Variants in RIMS4 observed in about 807,000 individuals in gnomAD.
RIMS4 encodes regulating synaptic membrane exocytosis 4.
A neutral mutation model predicts 29.0 loss-of-function variants in RIMS4; 9 were observed. The observed-to-expected ratio is 0.31, with a 90% CI of 0.19 to 0.54. RIMS4 has a LOEUF of 0.54. Ranked by LOEUF, RIMS4 falls within the 20% of genes least tolerant of loss-of-function variation. The pLI, the probability that RIMS4 is intolerant of heterozygous loss-of-function variation, is 0.94. For synonymous variants in RIMS4, 130 were observed against 152.9 expected (o/e 0.85, Z 1.10); for missense variants, 193 against 365.7 (o/e 0.53, Z 3.85).
Position 44,753,620 on chromosome 20 carries a change from A to C in RIMS4, c.*2514T>G, listed in dbSNP as rs2066044798. The C allele has an allele frequency of 6.5e-6, 1 of 152,710 alleles. No homozygotes were observed. Among genetic ancestry groups the C allele is most frequent in the African/African-American group, 2.4e-5 (1 of 41,426 alleles). 9.5% of individuals were successfully genotyped at this position (152,710 alleles called of 1,614,324 possible). A position where few individuals can be genotyped will look rare whatever the true frequency, so the allele number is the denominator to read the frequency against. ...CAAGGGGCCAGGCAGTAGCGGGGAC[A>C]GGATGGGCTTGAAGCTTCTCCGAAG... On this transcript the variant is annotated 3_prime_UTR_variant, in exon 6 of 6. Coordinates refer to ENST00000372851, the MANE Select transcript of RIMS4 (RefSeq NM_182970.4).
At chr20:44,801,178 C>T (rs1015201997) in intron 1 of RIMS4, among the ~76,000 whole-genome samples, 3 of 152,128 alleles carry the variant, frequency 2.0e-5, no homozygotes, top group Admixed American at 6.5e-5. Flanking sequence ...CTCCCAAGTC[C>T]GCTCATTTTT....
chr20:44,801,269 T>C (rs181258923), intron 1 of RIMS4, among the ~76,000 whole-genome samples: 4 of 152,322 alleles, frequency 2.6e-5, no homozygotes, highest in Admixed American at 2.6e-4. Flanking sequence ...TTTAAGTGCC[T>C]TTGTCTTCAG....
At position 44,756,002 on chromosome 20, in the gene RIMS4, G is replaced by T. The variant is rs2066058055; in HGVS notation, c.*132C>A. 2.7e-6 allele frequency: 2 copies of T among 735,738 alleles called. No homozygotes were observed. The highest frequency in any genetic ancestry group is 1.8e-5 in the South Asian group (1 of 55,570). 45.6% of individuals were successfully genotyped at this position (735,738 alleles called of 1,614,324 possible). ...TGAGGAGGGGCCCAAGGGGGGGCAGGTCTCCCCGTTCTGCTTCCCCACTGT... is the reference window on the plus strand; with the variant it reads ...TGAGGAGGGGCCCAAGGGGGGGCAGTTCTCCCCGTTCTGCTTCCCCACTGT... On this transcript the variant is annotated 3_prime_UTR_variant, in exon 6 of 6. Transcript: ENST00000372851. The surrounding 1 kb of genome is among the most constrained non-coding windows in gnomAD (Gnocchi z 5.9).
intron 1 of RIMS4, among the ~76,000 whole-genome samples, chr20:44,796,399 G>T (rs1601042930): frequency 6.6e-6 from 1 of 152,280 alleles, no homozygotes; most frequent in Admixed American, 6.5e-5. Context: ...TACTGGAGAA[G>T]AAAGAAGGAA....
At chr20:44,762,179 A>G (rs941504215) in intron 2 of RIMS4, among the ~76,000 whole-genome samples, 6 of 152,226 alleles carry the variant, frequency 3.9e-5, no homozygotes, top group African/African-American at 1.4e-4. Flanking sequence ...ATCTAATGTC[A>G]TCACTGATCT....
Position 44,758,057 on chromosome 20 carries a change from C to G in RIMS4, c.349+15G>C. 6.3e-7 allele frequency: 1 copy of G among 1,576,278 alleles called. No homozygotes were observed. Among genetic ancestry groups the G allele is most frequent in the African/African-American group, 1.4e-5 (1 of 74,022 alleles). On this transcript the variant is annotated intron_variant, in intron 3 of 5. Transcript: ENST00000372851. ...ACTCCCCTAGTCCATTTGAAACCAG[C>G]CTTGGGGCACTCACCCATGGGTGTG...
intron 1 of RIMS4, among the ~76,000 whole-genome samples, chr20:44,790,220 C>T (rs2066227056): frequency 6.6e-6 from 1 of 152,238 alleles, no homozygotes; most frequent in African/African-American, 2.4e-5. Flanking sequence ...CATGGACTAG[C>T]AAAATGCTGA....
intron 1 of RIMS4, among the ~76,000 whole-genome samples, chr20:44,806,768 C>T (rs1188556698): frequency 6.6e-6 from 1 of 152,152 alleles, no homozygotes; most frequent in East Asian, 1.9e-4. Context: ...TCAGATTGCC[C>T]AAGTTCAAGG....
chr20:44,794,833 G>T (rs1209784947), intron 1 of RIMS4, among the ~76,000 whole-genome samples: 1 of 152,194 alleles, frequency 6.6e-6, no homozygotes, highest in Non-Finnish European at 1.5e-5. Flanking sequence ...AGATCTGTCT[G>T]GGGAGAGCCA....
rs1326685200 is a variant in RIMS4, at chr20:44,756,010, G to A, written c.*124C>T. ...GGCCCAAGGGGGGGCAGGTCTCCCC[G>A]TTCTGCTTCCCCACTGTGGGGGAGA... On this transcript the variant is annotated 3_prime_UTR_variant, in exon 6 of 6. Coordinates refer to ENST00000372851, the MANE Select transcript of RIMS4 (RefSeq NM_182970.4). This position sits in a 1 kb window ranked among gnomAD's most constrained non-coding sequence, Gnocchi z 5.9. The A allele has an allele frequency of 7.5e-6, 6 of 796,018 alleles. No individual in the cohort carries two copies. Among genetic ancestry groups the A allele is most frequent in the Admixed American group, 4.7e-5 (2 of 42,578 alleles). 49.3% of individuals were successfully genotyped at this position (796,018 alleles called of 1,614,324 possible).
chr20:44,792,429 A>C (rs1444849892), intron 1 of RIMS4, among the ~76,000 whole-genome samples: 1 of 151,606 alleles, frequency 6.6e-6, no homozygotes, highest in East Asian at 1.9e-4. Context: ...AGTAGCTGGG[A>C]TTAGAGGCAT....
intron 2 of RIMS4, among the ~76,000 whole-genome samples, chr20:44,758,966 G>A (rs1015194629): frequency 3.9e-5 from 6 of 152,190 alleles, no homozygotes; most frequent in African/African-American, 1.2e-4. Flanking sequence ...TTTTGGTTAC[G>A]TTAAGTCAAT....
chr20:44,764,260 A>ATCCATTTATC (rs1555859479), intron 2 of RIMS4, among the ~76,000 whole-genome samples: 1 of 151,892 alleles, frequency 6.6e-6, no homozygotes, highest in Admixed American at 6.6e-5. Flanking sequence ...CCATCCTCCC[A>ATCCATTTATC]CAAACTCACC....
chr20:44,757,950 G>A, intron 3 of RIMS4, 122 bp downstream of exon 3: 2 of 935,936 alleles, frequency 2.1e-6, no homozygotes, highest in Non-Finnish European at 3.3e-6. Context: ...TGTGCCCTGG[G>A]CTCTAGGCGG....
rs1164290116 is a variant in RIMS4, at chr20:44,767,633, C to G, written c.236+3642G>C. 3.3e-5 allele frequency among the ~76,000 whole-genome samples: 5 copies of G among 152,294 alleles called. No individual in the cohort carries two copies. The East Asian group carries it at 9.6e-4, about 29-fold the overall frequency. On this transcript the variant is annotated intron_variant, in intron 2 of 5. Coordinates refer to ENST00000372851, the MANE Select transcript of RIMS4 (RefSeq NM_182970.4). ...ACATTAAGGGCAGATACCCAATGCC[C>G]GGATTTGAATCCCAGCTCAGCCACT...
At chr20:44,803,833 C>T (rs187593855) in intron 1 of RIMS4, among the ~76,000 whole-genome samples, 6 of 152,354 alleles carry the variant, frequency 3.9e-5, no homozygotes, top group Non-Finnish European at 8.8e-5. Flanking sequence ...CAGGCAGCCA[C>T]GGCAGCTGAG....
intron 1 of RIMS4, among the ~76,000 whole-genome samples, chr20:44,809,399 T>C (rs1301925744): frequency 6.6e-6 from 1 of 151,008 alleles, no homozygotes; most frequent in East Asian, 1.9e-4. Flanking sequence ...CTGGCTGAGG[T>C]TGTGCGCAGG....
chr20:44,757,101 A>C, intron 4 of RIMS4, 64 bp from the exon 5 acceptor site: 1 of 1,561,078 alleles, frequency 6.4e-7, no homozygotes, highest in Non-Finnish European at 8.7e-7. Context: ...CAAAGGGTGC[A>C]ACAGAGGGAG....
In RIMS4 at chr20:44,789,275, A is replaced by G. The variant is rs143340810; in HGVS notation, c.98-17862T>C. On this transcript the variant is annotated intron_variant, in intron 1 of 5. Coordinates refer to ENST00000372851, the MANE Select transcript of RIMS4 (RefSeq NM_182970.4). ...TGTACAAATGTCACTTACCAGTATC[A>G]TCACAGTATGAGAATTTCTTTTTAT... 4.1e-3 allele frequency among the ~76,000 whole-genome samples: 623 copies of G among 152,298 alleles called. 2 individuals carry two copies. Among genetic ancestry groups the G allele is most frequent in the African/African-American group, 0.014 (591 of 41,558 alleles).
Sources: gnomAD v4.1 joint callset for allele counts (sites outside exome capture counted in the v4.1 genomes callset) on GRCh38, gnomAD v4.1.1 for gene constraint, Gnocchi (gnomAD v3.1) non-coding constraint, MANE v1.5 for transcripts, NCBI Gene and HGNC (gene_info 2026-07-23, HGNC 2026-07-21) for gene names.